ZSCAN31: variants seen among roughly 807,000 people sequenced by gnomAD.
ZSCAN31 encodes the protein zinc finger and SCAN domain containing 31, also known as zinc finger and SCAN domain-containing protein 31.
In ZSCAN31, 14 loss-of-function variants were observed where a neutral mutation model predicts 22.5. The ratio of observed to expected loss-of-function variants is 0.62; its 90% CI spans 0.41 to 0.97. The LOEUF (loss-of-function observed/expected upper bound fraction) is 0.97. Among genes scored for constraint, ZSCAN31 ranks in the 50% least tolerant of loss-of-function variants. ZSCAN31 has a pLI of 0.00. For missense variants in ZSCAN31, 424 were observed against 483.4 expected (o/e 0.88, Z 1.15); for synonymous variants, 168 against 169.8 (o/e 0.99, Z 0.08).
At position 28,326,109 on chromosome 6, in the gene ZSCAN31, C is replaced by G. The variant is rs981171434; in HGVS notation, c.*57G>C. On this transcript the variant is annotated 3_prime_UTR_variant, in exon 4 of 4. Transcript: ENST00000344279. ...CAGTTCTGCTGGAACAGTATGGATT[C>G]TAAAATGCCTAATAAGGTTGCAATG... 2.1e-5 allele frequency: 31 copies of G among 1,483,494 alleles called. No individual in the cohort carries two copies. The Middle Eastern group carries it at 5.3e-4, about 25-fold the overall frequency. The allele number at this position is 1,483,494 out of a possible 1,614,324, so 91.9% of individuals were successfully genotyped here.
At chr6:28,327,295 G>T in intron 3 of ZSCAN31, 88 bp downstream of exon 3, 1 of 1,471,814 alleles carries the variant, frequency 6.8e-7, no homozygotes, top group Non-Finnish European at 9.2e-7. Context: ...TCCAACCCAG[G>T]CAATTTAGCC....
At chr6:28,354,242 C>T (rs1765271490), upstream of ZSCAN31, 1 of 290,854 alleles carries the variant, frequency 3.4e-6, no homozygotes, top group Non-Finnish European at 7.0e-6. Flanking sequence ...ATACCATTTA[C>T]AGACAATAGT....
rs887368776 is a variant in ZSCAN31 at position 28,331,526 on chromosome 6, C to T, written c.-95-1748G>A. On this transcript the variant is annotated intron_variant, in intron 1 of 3. Transcript: ENST00000344279. The surrounding 1 kb of genome is among the most constrained non-coding windows in gnomAD (Gnocchi z 4.8). The stretch of plus-strand genomic sequence containing the variant: ...AAAATATTCACATAAAATGATGTTA[C>T]AGAATTGAGAATTTGAAGAGTTACA... Among the ~76,000 whole-genome samples the T allele has an allele frequency of 1.3e-5, 2 of 152,172 alleles. No homozygotes were observed. Among genetic ancestry groups the T allele is most frequent in the African/African-American group, 4.8e-5 (2 of 41,438 alleles).
In ZSCAN31 at chr6:28,329,547, C is replaced by T; in HGVS notation, c.137G>A (p.Cys46Tyr). The T allele has an allele frequency of 6.2e-7, 1 of 1,614,198 alleles. No homozygotes were observed. The highest frequency in any genetic ancestry group is 1.1e-5 in the South Asian group (1 of 91,088). The change falls in exon 2 of 4, where the codon TGT becomes TAT. Residue 46 changes from cysteine to tyrosine, a missense_variant. Physicochemically the swap from Cys to Tyr is radical, Grantham distance 194. Coordinates refer to ENST00000344279, the MANE Select transcript of ZSCAN31 (RefSeq NM_030899.5). ...TCGGGGACCAGGAGTCTCTTGGTAA[C>T]AAAACTGCCTAAAAAGTTGTCGGGA... ...EASRQLFRQFCYQETPGPREA... is the reference protein window; with the variant it reads ...EASRQLFRQFYYQETPGPREA...
At chr6:28,329,859 T>TTAATAA (rs1460817948) in intron 1 of ZSCAN31, 81 bp from the exon 2 acceptor site, 9 of 661,856 alleles carry the variant, frequency 1.4e-5, no homozygotes, top group Non-Finnish European at 2.2e-5. Context: ...ACATGAATGG[T>TTAATAA]ATTCTATCAT....
chr6:28,346,342 CT>C (rs5875155), intron 2 of ZSCAN31, among the ~76,000 whole-genome samples: 38,392 of 86,578 alleles, frequency 0.44, 8,817 homozygotes, highest in East Asian at 0.56. Flanking sequence ...TCAGTACAAT[CT>C]TTTTTTTTTT....
chr6:28,327,682 G>T, intron 2 of ZSCAN31, 149 bp from the exon 3 acceptor site: 2 of 877,496 alleles, frequency 2.3e-6, no homozygotes, highest in Non-Finnish European at 3.4e-6. Flanking sequence ...TTACCCAAAA[G>T]CAAAACAGGG....
intron 1 of ZSCAN31, among the ~76,000 whole-genome samples, chr6:28,334,644 C>T (rs1764003118): frequency 6.6e-6 from 1 of 152,142 alleles, no homozygotes; most frequent in East Asian, 1.9e-4. Flanking sequence ...ACTGGAAGAG[C>T]CTCCTTTTAA....
chr6:28,332,135 C>G (rs1475477660), intron 1 of ZSCAN31: 2 of 152,174 alleles, frequency 1.3e-5, no homozygotes, highest in African/African-American at 2.4e-5. Flanking sequence ...TCTTGTCCCC[C>G]AAACCACCCC....
At chr6:28,335,946 C>T (rs1323766191) in intron 1 of ZSCAN31, 136 bp downstream of exon 1, 1 of 152,360 alleles carries the variant, frequency 6.6e-6, no homozygotes, top group African/African-American at 2.4e-5. Context: ...CCACCTACTC[C>T]ACGGGGGCTT....
chr6:28,350,659 A>G (rs1375885756), intron 2 of ZSCAN31, among the ~76,000 whole-genome samples: 4 of 152,178 alleles, frequency 2.6e-5, no homozygotes, highest in Non-Finnish European at 5.9e-5. Context: ...TAGTGGTACT[A>G]TTATTATTTA....
At chr6:28,350,661 T>C (rs1046650927) in intron 2 of ZSCAN31, among the ~76,000 whole-genome samples, 1 of 152,238 alleles carries the variant, frequency 6.6e-6, no homozygotes, top group Non-Finnish European at 1.5e-5. Flanking sequence ...GTGGTACTAT[T>C]ATTATTTATA....
In ZSCAN31 at chr6:28,326,158, C is replaced by A; in HGVS notation, c.*8G>T. The stretch of plus-strand genomic sequence containing the variant: ...TGATGACTGAAGGCTTTCCCAAACT[C>A]ATCACCCTTATGGTCTCTCTCCAGT... On this transcript the variant is annotated 3_prime_UTR_variant, in exon 4 of 4. Coordinates refer to ENST00000344279, the MANE Select transcript of ZSCAN31 (RefSeq NM_030899.5). 1 of 1,591,776 alleles carries A rather than the reference C, an allele frequency of 6.3e-7. No individual in the cohort carries two copies. Among genetic ancestry groups the A allele is most frequent in the South Asian group, 1.1e-5 (1 of 89,440 alleles).
chr6:28,345,263 C>A (rs1440058360), intron 2 of ZSCAN31, among the ~76,000 whole-genome samples: 5 of 151,772 alleles, frequency 3.3e-5, no homozygotes, highest in African/African-American at 1.2e-4. Flanking sequence ...GAAGAAAGTC[C>A]CTGTACACAT....
chr6:28,346,340 A>ATTTTTTTTTTT, intron 2 of ZSCAN31, among the ~76,000 whole-genome samples: 2 of 88,602 alleles, frequency 2.3e-5, no homozygotes, highest in African/African-American at 6.0e-5. Flanking sequence ...CCTCAGTACA[A>ATTTTTTTTTTT]TCTTTTTTTT....
chr6:28,341,842 C>G (rs1038847277), intron 2 of ZSCAN31: 3 of 152,156 alleles, frequency 2.0e-5, no homozygotes, highest in African/African-American at 7.2e-5. Context: ...GCATAAACAA[C>G]CCTGAGAAAT....
Position 28,351,262 on chromosome 6 carries a change from G to C in ZSCAN31, c.-371+2600C>G, listed in dbSNP as rs1245095707. ...GGGGCCAGGTAGTGAAACCTAAATG[G>C]AGTTTGTGGAATAAATGATATAAAT... On this transcript the variant is annotated intron_variant, in intron 2 of 7. Transcript: ENST00000396838. This position sits in a 1 kb window ranked among gnomAD's most constrained non-coding sequence, Gnocchi z 4.6. Among the ~76,000 whole-genome samples the C allele has an allele frequency of 6.6e-6, 1 of 152,138 alleles. No homozygotes were observed. Among genetic ancestry groups the C allele is most frequent in the Non-Finnish European group, 1.5e-5 (1 of 68,034 alleles).
rs1763281600 is a variant in ZSCAN31, at chr6:28,326,520, G to A, written c.867C>T (p.His289=). ...TACATTGATAGGGTTTCTCTCCAGTGTGGCTCCGCCGATGTTCATTCAGGC... is the reference window on the plus strand; with the variant it reads ...TACATTGATAGGGTTTCTCTCCAGTATGGCTCCGCCGATGTTCATTCAGGC... ...RSSLNEHRRS[H]TGEKPYQCKE... is the part of the protein sequence containing the mutation. Residue 289 remains histidine (H), a synonymous_variant, in exon 4 of 4, where the codon CAC becomes CAT. Coordinates refer to ENST00000344279, the MANE Select transcript of ZSCAN31 (RefSeq NM_030899.5). 1 of 1,614,140 alleles carries A rather than the reference G, an allele frequency of 6.2e-7. No homozygotes were observed. The highest frequency in any genetic ancestry group is 1.7e-5 in the Admixed American group (1 of 60,014).
chr6:28,345,155 A>AG (rs1764594083), intron 2 of ZSCAN31, among the ~76,000 whole-genome samples: 1 of 148,562 alleles, frequency 6.7e-6, no homozygotes, highest in African/African-American at 2.5e-5. Context: ...AAAAAAAAAA[A>AG]AAAAAGAAAA....
Sources: gnomAD v4.1 joint callset for allele counts (sites outside exome capture counted in the v4.1 genomes callset) on GRCh38, gnomAD v4.1.1 for gene constraint, Gnocchi (gnomAD v3.1) non-coding constraint, MANE v1.5 for transcripts, NCBI Gene and HGNC (gene_info 2026-07-23, HGNC 2026-07-21) for gene names.